Variants in LRP6 observed in about 807,000 individuals in gnomAD.
LRP6 encodes the protein LDL receptor related protein 6, also known as low-density lipoprotein receptor-related protein 6.
Under a neutral mutation model 184.1 loss-of-function variants are expected in LRP6, and 43 were observed. The ratio of observed to expected loss-of-function variants is 0.23; its 90% confidence interval spans 0.18 to 0.30. The LOEUF (loss-of-function observed/expected upper bound fraction) is 0.30. Ranked by LOEUF, LRP6 falls within the 10% of genes least tolerant of loss-of-function variation. LRP6 has a pLI of 1.00. For missense variants in LRP6, 1,571 were observed against 2,005.3 expected (o/e 0.78, Z 4.14); for synonymous variants, 719 against 684.9 (o/e 1.05, Z -0.78).
intron 1 of LRP6, among the ~76,000 whole-genome samples, chr12:12,264,440 T>C (rs1373502808): frequency 6.6e-6 from 1 of 152,166 alleles, no homozygotes; most frequent in Non-Finnish European, 1.5e-5. Context: ...AAATCTTTCC[T>C]TTATACCTTG....
intron 4 of LRP6, among the ~76,000 whole-genome samples, chr12:12,185,690 A>T (rs1028672315): frequency 6.6e-6 from 1 of 152,186 alleles, no homozygotes; most frequent in East Asian, 1.9e-4. Context: ...CCAAACACAG[A>T]ACCAAAACTA....
intron 1 of LRP6, among the ~76,000 whole-genome samples, chr12:12,251,816 C>A (rs1365000309): frequency 6.6e-6 from 1 of 152,302 alleles, no homozygotes; most frequent in East Asian, 1.9e-4. Context: ...ACTGTATTCA[C>A]ACCCTTAAAA....
chr12:12,182,624 A>G (rs1863371087), intron 5 of LRP6, among the ~76,000 whole-genome samples: 1 of 152,222 alleles, frequency 6.6e-6, no homozygotes, highest in Non-Finnish European at 1.5e-5. Flanking sequence ...TGAGAAGAGG[A>G]GTGAAGCCTC....
chr12:12,259,477 A>T (rs981297768), intron 1 of LRP6, among the ~76,000 whole-genome samples: 1 of 152,178 alleles, frequency 6.6e-6, no homozygotes, highest in African/African-American at 2.4e-5. Context: ...TATTACAGAA[A>T]CTACAAGTTA....
chr12:12,203,428 A>G (rs370993251), intron 2 of LRP6, 28 bp from the exon 3 acceptor site: 161 of 1,542,488 alleles, frequency 1.0e-4, no homozygotes, highest in Middle Eastern at 1.0e-3. Context: ...AATTAAAGCC[A>G]TGACAGAGCA....
At chr12:12,216,143 G>T (rs903144766) in intron 2 of LRP6, among the ~76,000 whole-genome samples, 1 of 152,104 alleles carries the variant, frequency 6.6e-6, no homozygotes, top group Non-Finnish European at 1.5e-5. Flanking sequence ...CGCTGCAACA[G>T]ACTTTTACTT....
At chr12:12,228,499 T>C (rs993787214) in intron 2 of LRP6, among the ~76,000 whole-genome samples, 1 of 152,224 alleles carries the variant, frequency 6.6e-6, no homozygotes, top group South Asian at 2.1e-4. Context: ...TATGAGACTG[T>C]GCCCTTCTCT....
At chr12:12,185,834 G>A (rs971065289) in intron 4 of LRP6, among the ~76,000 whole-genome samples, 2 of 136,382 alleles carry the variant, frequency 1.5e-5, no homozygotes, top group African/African-American at 5.1e-5. Context: ...TTTTGTGTGT[G>A]TGTGTGTTTT....
chr12:12,213,313 C>T (rs1332961700), intron 2 of LRP6, among the ~76,000 whole-genome samples: 2 of 151,962 alleles, frequency 1.3e-5, no homozygotes, highest in Non-Finnish European at 2.9e-5. Context: ...TTTTGCATCA[C>T]TTTTTTATAT....
chr12:12,144,640 C>G (rs1012374165), intron 15 of LRP6, among the ~76,000 whole-genome samples: 4 of 151,884 alleles, frequency 2.6e-5, no homozygotes, highest in African/African-American at 9.7e-5. Flanking sequence ...AACCCTTTCT[C>G]AAACAAAAAT....
In LRP6 at chr12:12,147,544, A is replaced by G; in HGVS notation, c.3219T>C (p.Phe1073=). 1.2e-6 allele frequency: 2 copies of G among 1,613,864 alleles called. No homozygotes were observed. The highest frequency in any genetic ancestry group is 1.7e-6 in the Non-Finnish European group (2 of 1,179,762). The change falls in exon 15 of 23, where the codon TTT becomes TTC. Residue 1073 remains phenylalanine, a synonymous_variant. Transcript: ENST00000261349. ...TAGGAGACCTTTCCTGAAGATTGGT[A>G]AAATACATATACCTAGAGGGAAAGG... ...VVNPEKGYMY[F]TNLQERSPKI... is the part of the protein sequence containing the mutation.
intron 3 of LRP6, among the ~76,000 whole-genome samples, chr12:12,190,413 G>C (rs1229305518): frequency 2.6e-5 from 4 of 152,096 alleles, no homozygotes; most frequent in East Asian, 1.9e-4. Flanking sequence ...AAAAGAAACA[G>C]AGACTCCCCC....
chr12:12,202,780 G>C (rs1863949922), intron 3 of LRP6, among the ~76,000 whole-genome samples: 2 of 152,078 alleles, frequency 1.3e-5, no homozygotes, highest in African/African-American at 4.8e-5. Context: ...ATTTTGAGTG[G>C]GACACTCTTT....
intron 1 of LRP6, among the ~76,000 whole-genome samples, chr12:12,256,700 G>A (rs766817070): frequency 2.0e-5 from 3 of 152,150 alleles, no homozygotes; most frequent in Non-Finnish European, 4.4e-5. Context: ...CAGCTACTCA[G>A]GAGGCTGAGG....
intron 2 of LRP6, among the ~76,000 whole-genome samples, chr12:12,215,334 G>GA (rs1047905918): frequency 2.5e-4 from 38 of 151,550 alleles, no homozygotes; most frequent in Admixed American, 1.1e-3. Context: ...CAGAAATAAT[G>GA]AAAAAAAATA....
chr12:12,210,714 A>T (rs2137058995), intron 2 of LRP6, among the ~76,000 whole-genome samples: 1 of 152,362 alleles, frequency 6.6e-6, no homozygotes, highest in East Asian at 1.9e-4. Flanking sequence ...TTTTGTTGCC[A>T]TCAAATTTAT....
chr12:12,192,921 A>C (rs115819725), intron 3 of LRP6, among the ~76,000 whole-genome samples: 2,408 of 152,168 alleles, frequency 0.016, 54 homozygotes, highest in African/African-American at 0.055. Context: ...GCAACAAAAG[A>C]ATACACAATC....
Position 12,166,943 on chromosome 12 carries a change from C to CA in LRP6, c.1546-1649dup, listed in dbSNP as rs573809780. 3.3e-4 allele frequency among the ~76,000 whole-genome samples: 50 copies of CA among 152,058 alleles called. 1 individual carries two copies. The highest frequency in any genetic ancestry group is 1.2e-3 in the African/African-American group (49 of 41,486). ...CAAGGCCCTGTCTCTACAAAAATAC[C>CA]AAAAAATTAGTCAAGCATGGTGTGG... On this transcript the variant is annotated intron_variant, in intron 7 of 22. Transcript: ENST00000261349.
chr12:12,215,420 T>C (rs1304416262), intron 2 of LRP6, among the ~76,000 whole-genome samples: 1 of 151,994 alleles, frequency 6.6e-6, no homozygotes, highest in Non-Finnish European at 1.5e-5. Flanking sequence ...CTAAGATTAT[T>C]TTATTTTATT....
Sources: allele counts gnomAD v4.1 joint callset (sites outside exome capture counted in the v4.1 genomes callset), GRCh38; gene constraint gnomAD v4.1.1; transcripts MANE v1.5; gene names NCBI Gene and HGNC (gene_info 2026-07-23, HGNC 2026-07-21).